Variants in KIF26B observed in about 807,000 individuals in gnomAD.
The protein encoded by KIF26B is kinesin family member 26B, also known as kinesin-like protein KIF26B.
KIF26B carries 63 observed loss-of-function variants against 151.2 expected under a neutral mutation model. That is an observed-to-expected ratio of 0.42 (90% CI 0.34 to 0.51). KIF26B has a LOEUF of 0.51. Ranked by LOEUF, KIF26B falls within the 20% of genes least tolerant of loss-of-function variation. KIF26B has a pLI of 0.07. For missense variants in KIF26B, 2,813 were observed against 2,913.6 expected (o/e 0.97, Z 0.79); for synonymous variants, 1,357 against 1,262.1 (o/e 1.08, Z -1.59).
In KIF26B at chr1:245,170,290, A is replaced by G. The variant is rs1668687677; in HGVS notation, c.465+13607A>G. 6.6e-6 allele frequency among the ~76,000 whole-genome samples: 1 copy of G among 152,124 alleles called. No individual in the cohort carries two copies. The highest frequency in any genetic ancestry group is 2.1e-4 in the South Asian group (1 of 4,834). On this transcript the variant is annotated intron_variant, in intron 2 of 14. Coordinates refer to ENST00000407071, the MANE Select transcript of KIF26B (RefSeq NM_018012.4). The surrounding 1 kb of genome is among the most constrained non-coding windows in gnomAD (Gnocchi z 4.4). ...TCGGTGGAGCTTAGTCTAGGCATTT[A>G]TGGGTCGGCTGGTTTGAGGGTCCTT...
chr1:245,386,856 G>T (rs945225910), intron 3 of KIF26B, among the ~76,000 whole-genome samples: 2 of 152,240 alleles, frequency 1.3e-5, no homozygotes, highest in Admixed American at 1.3e-4. Flanking sequence ...TCGGATGCCC[G>T]CTACGTGCCA....
At chr1:245,303,440 C>T (rs560724969) in intron 2 of KIF26B, among the ~76,000 whole-genome samples, 3,544 of 150,608 alleles carry the variant, frequency 0.024, 64 homozygotes, top group Non-Finnish European at 0.036. Context: ...CCTCGTGATC[C>T]GCCCGCCTCG....
chr1:245,595,894 G>T (rs1237847846), intron 5 of KIF26B, among the ~76,000 whole-genome samples: 1 of 152,002 alleles, frequency 6.6e-6, no homozygotes, highest in Non-Finnish European at 1.5e-5. Context: ...GGCTTGGGAG[G>T]GTGTATGTGT....
intron 4 of KIF26B, among the ~76,000 whole-genome samples, chr1:245,518,473 G>C (rs1462583956): frequency 1.3e-5 from 2 of 152,182 alleles, no homozygotes; most frequent in African/African-American, 4.8e-5. Context: ...AGAAAGAAGA[G>C]GAGATAAAGT....
intron 5 of KIF26B, among the ~76,000 whole-genome samples, chr1:245,573,626 A>G (rs1182344592): frequency 6.6e-6 from 1 of 152,156 alleles, no homozygotes; most frequent in South Asian, 2.1e-4. Context: ...CTTATTTGAT[A>G]TCTCACTGAC....
At chr1:245,287,121 A>T (rs1671176223) in intron 2 of KIF26B, among the ~76,000 whole-genome samples, 1 of 152,228 alleles carries the variant, frequency 6.6e-6, no homozygotes, top group Non-Finnish European at 1.5e-5. Context: ...AAAAAACAAA[A>T]TTTTTTAAAA....
At position 245,181,146 on chromosome 1, in the gene KIF26B, CT is replaced by C. The variant is rs577108513; in HGVS notation, c.465+24471del. On this transcript the variant is annotated intron_variant, in intron 2 of 14. Transcript: ENST00000407071. ...TCTCTTTCACATACAAATTCAAGCC[CT>C]TTTTTTTCCCTTGAAATCACTTTTG... Among the ~76,000 whole-genome samples the C allele has an allele frequency of 5.8e-3, 889 of 152,018 alleles. 3 individuals carry two copies. The highest frequency in any genetic ancestry group is 0.02 in the African/African-American group (831 of 41,430).
intron 2 of KIF26B, among the ~76,000 whole-genome samples, chr1:245,209,489 C>T (rs887381870): frequency 3.3e-5 from 5 of 151,674 alleles, no homozygotes; most frequent in African/African-American, 7.3e-5. Context: ...TACAGAAACA[C>T]GTGTAGAAGT....
Position 245,321,978 on chromosome 1 carries a change from C to A in KIF26B, c.466-44856C>A, listed in dbSNP as rs1200568142. On this transcript the variant is annotated intron_variant, in intron 2 of 14. Transcript: ENST00000407071. ...GAGATCTTGGAACCAACCCAAATGCCCATCAATGATAGACTGGATAAAGAA... is the reference window on the plus strand; with the variant it reads ...GAGATCTTGGAACCAACCCAAATGCACATCAATGATAGACTGGATAAAGAA... Among the ~76,000 whole-genome samples the A allele has an allele frequency of 1.3e-5, 2 of 152,248 alleles. 1 individual carries two copies. The highest frequency in any genetic ancestry group is 4.2e-4 in the South Asian group (2 of 4,816).
chr1:245,257,563 C>T (rs547142725), intron 2 of KIF26B, among the ~76,000 whole-genome samples: 4 of 152,130 alleles, frequency 2.6e-5, no homozygotes, highest in Non-Finnish European at 4.4e-5. Context: ...TGTCGTTAAA[C>T]GAGTTACTCT....
In KIF26B at chr1:245,705,303, C is replaced by G. The variant is rs2044826428; in HGVS notation, c.*2697C>G. On this transcript the variant is annotated 3_prime_UTR_variant, in exon 15 of 15. Transcript: ENST00000407071. The stretch of plus-strand genomic sequence containing the variant: ...GCTTTTTTTTGACCTAAATAAGCTG[C>G]AAACATGTTAATTTACCAATATTGA... 6.6e-6 allele frequency: 1 copy of G among 152,096 alleles called. No homozygotes were observed. Among genetic ancestry groups the G allele is most frequent in the African/African-American group, 2.4e-5 (1 of 41,406 alleles). 9.4% of individuals were successfully genotyped at this position (152,096 alleles called of 1,614,324 possible).
rs1331750756 is a variant in KIF26B, at chr1:245,497,742, GTTAT to G, written c.1167-43010_1167-43007del. Among the ~76,000 whole-genome samples, 3 of 152,216 alleles carry G rather than the reference GTTAT, an allele frequency of 2.0e-5. No homozygotes were observed. The East Asian group carries it at 5.8e-4, about 29-fold the overall frequency. ...ATTATACTATGTATACTGAAGGACT[GTTAT>G]TTATTTATTTATTTTAAGACAGAAT... On this transcript the variant is annotated intron_variant, in intron 4 of 14. Coordinates refer to ENST00000407071, the MANE Select transcript of KIF26B (RefSeq NM_018012.4).
intron 2 of KIF26B, among the ~76,000 whole-genome samples, chr1:245,294,858 T>G (rs1054564659): frequency 6.6e-5 from 10 of 152,164 alleles, no homozygotes; most frequent in African/African-American, 2.4e-4. Flanking sequence ...AGATGGGGTT[T>G]CACGATGTTG....
chr1:245,240,104 A>T (rs949242534), intron 2 of KIF26B, among the ~76,000 whole-genome samples: 1 of 151,960 alleles, frequency 6.6e-6, no homozygotes. Flanking sequence ...CGGGAGGCGG[A>T]GGTTGCAGTC....
At chr1:245,604,955 T>A (rs1271934990) in intron 6 of KIF26B, among the ~76,000 whole-genome samples, 1 of 152,218 alleles carries the variant, frequency 6.6e-6, no homozygotes, top group East Asian at 1.9e-4. Flanking sequence ...TGAAGTCACT[T>A]GTTCAAAGTC....
intron 9 of KIF26B, among the ~76,000 whole-genome samples, chr1:245,632,413 G>T (rs1448737080): frequency 6.6e-6 from 1 of 152,152 alleles, no homozygotes; most frequent in Non-Finnish European, 1.5e-5. Context: ...TTAAAAATGT[G>T]TTGAGAGTTA....
chr1:245,398,240 A>C (rs1041912191), intron 3 of KIF26B, among the ~76,000 whole-genome samples: 1 of 152,196 alleles, frequency 6.6e-6, no homozygotes, highest in Non-Finnish European at 1.5e-5. Context: ...GGTGGGAAGC[A>C]ATAAAAATAC....
At position 245,708,696 on chromosome 1, in the gene KIF26B, G is replaced by A. The variant is rs1373118259; in HGVS notation, c.*6090G>A. ...TAATTCCAGCTTTGCCAGTCGTCCC[G>A]TCCGTGATATATTACCTAACTCCTC... On this transcript the variant is annotated 3_prime_UTR_variant, in exon 15 of 15. Coordinates refer to ENST00000407071, the MANE Select transcript of KIF26B (RefSeq NM_018012.4). The A allele has an allele frequency of 2.0e-5, 3 of 152,080 alleles. No homozygotes were observed. The highest frequency in any genetic ancestry group is 4.8e-5 in the African/African-American group (2 of 41,406). 9.4% of individuals were successfully genotyped at this position (152,080 alleles called of 1,614,324 possible). A position where few individuals can be genotyped will look rare whatever the true frequency, so the allele number is the denominator to read the frequency against.
intron 2 of KIF26B, among the ~76,000 whole-genome samples, chr1:245,179,693 T>A: frequency 6.6e-6 from 1 of 151,978 alleles, no homozygotes; most frequent in East Asian, 1.9e-4. Flanking sequence ...GGAGGGGAGA[T>A]AAGTGTGTAA....
Sources: gnomAD v4.1 joint callset for allele counts (sites outside exome capture counted in the v4.1 genomes callset) on GRCh38, gnomAD v4.1.1 for gene constraint, Gnocchi (gnomAD v3.1) non-coding constraint, MANE v1.5 for transcripts, NCBI Gene and HGNC (gene_info 2026-07-23, HGNC 2026-07-21) for gene names.